The following GSE1 variants were observed in gnomAD, a reference collection of about 807,000 sequenced individuals.
GSE1 encodes Gse1 coiled-coil protein, also known as genetic suppressor element 1.
In GSE1, 32 loss-of-function variants were observed where a neutral mutation model predicts 112.6. The observed-to-expected ratio is 0.28, with a 90% confidence interval of 0.21 to 0.38. The LOEUF is 0.38. GSE1 is among the 10% of genes least tolerant of loss of function. The probability of loss-of-function intolerance (pLI) is 1.00; values close to 1 mark genes in which losing one functional copy is unlikely to be tolerated. For missense variants in GSE1, 2,348 were observed against 1,699.2 expected (o/e 1.38, Z -6.71); for synonymous variants, 1,115 against 735.6 (o/e 1.52, Z -8.35).
intron 1 of GSE1, among the ~76,000 whole-genome samples, chr16:85,587,905 G>A (rs1035109451): frequency 8.5e-5 from 13 of 152,170 alleles, no homozygotes. Context: ...GGACAGGCAG[G>A]CACCACCTTG....
chr16:85,598,234 C>G (rs2047320396), intron 1 of GSE1, among the ~76,000 whole-genome samples: 1 of 148,096 alleles, frequency 6.8e-6, no homozygotes, highest in South Asian at 2.1e-4. Flanking sequence ...ACAAGAGGGC[C>G]CAGAAGGTTC....
At chr16:85,208,296 G>A (rs1379958222) in intron 1 of GSE1, among the ~76,000 whole-genome samples, 1 of 152,184 alleles carries the variant, frequency 6.6e-6, no homozygotes, top group East Asian at 1.9e-4. Flanking sequence ...CACGTCGCTG[G>A]CGGAAGGAAT....
intron 2 of GSE1, among the ~76,000 whole-genome samples, chr16:85,636,904 C>T (rs1040979109): frequency 3.3e-5 from 5 of 150,376 alleles, no homozygotes; most frequent in East Asian, 2.0e-4. Context: ...GACATGTGGA[C>T]CCCCCAGCTC....
At chr16:85,518,556 T>C (rs28427183) in intron 2 of GSE1, among the ~76,000 whole-genome samples, 45,403 of 151,932 alleles carry the variant, frequency 0.3, 7,139 homozygotes, top group East Asian at 0.43. Context: ...CCGGCCCCAA[T>C]TCTGCCTTCA....
intron 2 of GSE1, among the ~76,000 whole-genome samples, chr16:85,453,688 G>A (rs192458597): frequency 5.7e-4 from 87 of 152,238 alleles, no homozygotes; most frequent in African/African-American, 1.8e-3. Context: ...TGAGAAGAGG[G>A]GGCGCCACTG....
At chr16:85,658,839 G>C (rs372105451) in intron 8 of GSE1, among the ~76,000 whole-genome samples, 1 of 152,192 alleles carries the variant, frequency 6.6e-6, no homozygotes, top group South Asian at 2.1e-4. Context: ...CCCAGCACAG[G>C]TGTTGTGACT....
chr16:85,310,733 C>T (rs1054898279), intron 1 of GSE1, among the ~76,000 whole-genome samples: 1 of 152,044 alleles, frequency 6.6e-6, no homozygotes, highest in African/African-American at 2.4e-5. Flanking sequence ...GGGGAGCGCA[C>T]CCAGTCAAGG....
intron 1 of GSE1, among the ~76,000 whole-genome samples, chr16:85,569,743 G>T (rs144077537): frequency 6.6e-6 from 1 of 152,320 alleles, no homozygotes; most frequent in Non-Finnish European, 1.5e-5. Flanking sequence ...CTCAGGAACC[G>T]AAGAGTTTAC....
upstream of GSE1, among the ~76,000 whole-genome samples, chr16:85,610,097 C>A (rs772738022): frequency 6.6e-6 from 1 of 152,194 alleles, no homozygotes; most frequent in Non-Finnish European, 1.5e-5. Flanking sequence ...GCCTGCCTTC[C>A]GCTCTTGGAG....
At chr16:85,407,818 T>C (rs113597543) in intron 2 of GSE1, among the ~76,000 whole-genome samples, 2,885 of 4,132 alleles carry the variant, frequency 0.7, 1,403 homozygotes, top group Middle Eastern at 1. Context: ...ATAATCCTCA[T>C]TGTTACACTC....
At chr16:85,372,136 G>A (rs1016111453) in intron 2 of GSE1, among the ~76,000 whole-genome samples, 1 of 152,190 alleles carries the variant, frequency 6.6e-6, no homozygotes, top group African/African-American at 2.4e-5. Flanking sequence ...AGCTAGCGCG[G>A]GACTGTGGCC....
chr16:85,626,965 G>A (rs887509748), intron 1 of GSE1, among the ~76,000 whole-genome samples: 17 of 149,642 alleles, frequency 1.1e-4, no homozygotes, highest in South Asian at 8.5e-4. Context: ...AGAACGAGAT[G>A]GGTTCCGGAA....
intron 2 of GSE1, among the ~76,000 whole-genome samples, chr16:85,358,472 C>G (rs932420603): frequency 6.6e-6 from 1 of 152,222 alleles, no homozygotes; most frequent in Non-Finnish European, 1.5e-5. Context: ...TTGAGACCCC[C>G]AGCCCAGCCC....
At chr16:85,398,828 T>G (rs1231039763) in intron 2 of GSE1, among the ~76,000 whole-genome samples, 1 of 152,096 alleles carries the variant, frequency 6.6e-6, no homozygotes, top group East Asian at 1.9e-4. Context: ...TGTGGGTGCA[T>G]GTGTACACGT....
At chr16:85,281,311 C>A (rs563728277) in intron 1 of GSE1, among the ~76,000 whole-genome samples, 90 of 152,108 alleles carry the variant, frequency 5.9e-4, no homozygotes, top group African/African-American at 2.0e-3. Flanking sequence ...CCTCTGAGAA[C>A]AGCACTCTGG....
At position 85,631,558 on chromosome 16, in the gene GSE1, C is replaced by T. The variant is rs149404184; in HGVS notation, c.8-2356C>T. ...TGGGTCCCATTTGCTGAGACACCTG[C>T]GTGGCCTTGGCTGGACCCCCTGCCT... On this transcript the variant is annotated intron_variant, in intron 1 of 15. Coordinates refer to ENST00000253458, the MANE Select transcript of GSE1 (RefSeq NM_014615.5). Among the ~76,000 whole-genome samples, 9 of 152,368 alleles carry T rather than the reference C, an allele frequency of 5.9e-5. No individual in the cohort carries two copies. In the East Asian group the frequency reaches 1.2e-3, roughly 20 times the overall value.
chr16:85,516,849 G>C (rs28716038), intron 2 of GSE1, among the ~76,000 whole-genome samples: 36,633 of 149,392 alleles, frequency 0.25, 4,955 homozygotes, highest in East Asian at 0.47. Context: ...CCAGGCTGGA[G>C]TGCAGTGGCG....
chr16:85,278,808 TC>T, intron 1 of GSE1: 1 of 188,932 alleles, frequency 5.3e-6, no homozygotes, highest in South Asian at 1.2e-4. Flanking sequence ...TTATCTATAT[TC>T]CAAAATCACC....
At chr16:85,660,525 G>A (rs1368229483) in intron 8 of GSE1, among the ~76,000 whole-genome samples, 1 of 152,170 alleles carries the variant, frequency 6.6e-6, no homozygotes, top group Non-Finnish European at 1.5e-5. Flanking sequence ...TGTAATCCCA[G>A]CTACTCGGGA....
Sources: allele counts gnomAD v4.1 joint callset (sites outside exome capture counted in the v4.1 genomes callset), GRCh38; gene constraint gnomAD v4.1.1; transcripts MANE v1.5; gene names NCBI Gene and HGNC (gene_info 2026-07-23, HGNC 2026-07-21).